HYDIN: variants seen among roughly 807,000 people sequenced by gnomAD.
HYDIN encodes HYDIN axonemal central pair apparatus protein, also known as axonemal central pair apparatus protein HYDIN.
A neutral mutation model predicts 403.9 loss-of-function variants in HYDIN; 132 were observed. That is an observed-to-expected ratio of 0.33 (90% CI 0.28 to 0.38). The LOEUF is 0.38. Ranked by LOEUF, HYDIN falls within the 10% of genes least tolerant of loss-of-function variation. The pLI, the probability that HYDIN is intolerant of heterozygous loss-of-function variation, is 1.00. For synonymous variants in HYDIN, 1,202 were observed against 1,891.7 expected (o/e 0.64, Z 9.46); for missense variants, 2,827 against 5,009.5 (o/e 0.56, Z 13.15).
intron 58 of HYDIN, among the ~76,000 whole-genome samples, chr16:70,886,671 A>T (rs1429637446): frequency 6.6e-6 from 1 of 152,200 alleles, no homozygotes. Flanking sequence ...TCCCTGAGAA[A>T]TATTTTTGCT....
chr16:71,045,556 A>C (rs1348596550), intron 18 of HYDIN, among the ~76,000 whole-genome samples: 2 of 149,644 alleles, frequency 1.3e-5, no homozygotes, highest in Non-Finnish European at 3.0e-5. Flanking sequence ...ATCCTTGAAC[A>C]AAGACCATCA....
chr16:71,183,115 T>C lies in HYDIN; in HGVS notation c.261+1750A>G, dbSNP rs1338942640. On this transcript the variant is annotated intron_variant, in intron 3 of 85. Transcript: ENST00000393567. ...AAATAGGAAGGCTATGTCAGTATTC[T>C]AGATAATGGTGGCTTAAACTGGAAT... Among the ~76,000 whole-genome samples the C allele has an allele frequency of 2.0e-5, 3 of 152,086 alleles. No homozygotes were observed. In the South Asian group the frequency reaches 6.2e-4, roughly 32 times the overall value.
intron 62 of HYDIN, among the ~76,000 whole-genome samples, chr16:70,877,412 GA>G (rs2040512456): frequency 1.3e-5 from 2 of 152,196 alleles, no homozygotes; most frequent in Non-Finnish European, 2.9e-5. Flanking sequence ...TAAAACTGTA[GA>G]AAACAAAGTG....
chr16:70,911,557 A>T, intron 47 of HYDIN, among the ~76,000 whole-genome samples: 1 of 131,626 alleles, frequency 7.6e-6, no homozygotes, highest in African/African-American at 2.9e-5. Context: ...ATGCCTCCAG[A>T]TTTGTTCTTT....
At chr16:71,032,119 C>T (rs1356804531) in intron 18 of HYDIN, among the ~76,000 whole-genome samples, 24 of 151,554 alleles carry the variant, frequency 1.6e-4, no homozygotes, top group Admixed American at 1.4e-3. Context: ...AGCAAACCTA[C>T]GATTTTACTT....
intron 18 of HYDIN, among the ~76,000 whole-genome samples, chr16:71,043,640 T>C (rs1389164678): frequency 1.3e-5 from 2 of 152,074 alleles, no homozygotes; most frequent in Non-Finnish European, 2.9e-5. Context: ...TCATCTTTAC[T>C]TTCCTGAGAT....
rs557795313 is a variant in HYDIN, at chr16:71,150,480, G to A, written c.841+2179C>T. ...AGTATTCCATATTCCAGAACAAGAC[G>A]GAAAACAGCAAATAATGCATATGGG... is the stretch of plus-strand genomic sequence containing the variant. On this transcript the variant is annotated intron_variant, in intron 7 of 85. Coordinates refer to ENST00000393567, the MANE Select transcript of HYDIN (RefSeq NM_001270974.2). Among the ~76,000 whole-genome samples, 11 of 152,100 alleles carry A rather than the reference G, an allele frequency of 7.2e-5. No individual in the cohort carries two copies. In the East Asian group the frequency reaches 1.2e-3, roughly 16 times the overall value.
At chr16:70,909,755 G>T (rs2076641367) in intron 47 of HYDIN, among the ~76,000 whole-genome samples, 1 of 144,050 alleles carries the variant, frequency 6.9e-6, no homozygotes, top group Non-Finnish European at 1.5e-5. Flanking sequence ...CAGTGCAGTG[G>T]TGCCATCTCA....
At chr16:71,075,129 G>GAC (rs2082590440) in intron 13 of HYDIN, among the ~76,000 whole-genome samples, 1 of 149,948 alleles carries the variant, frequency 6.7e-6, no homozygotes, top group Non-Finnish European at 1.5e-5. Context: ...GATTAAGTTG[G>GAC]TTTTTGAGAT....
chr16:70,841,856 C>T (rs535883887), intron 75 of HYDIN, among the ~76,000 whole-genome samples: 1 of 150,816 alleles, frequency 6.6e-6, no homozygotes, highest in Admixed American at 6.6e-5. Flanking sequence ...GGTCCAGAAC[C>T]ATGAGCCGAA....
intron 9 of HYDIN, among the ~76,000 whole-genome samples, chr16:71,128,243 G>A (rs1239262603): frequency 6.6e-6 from 1 of 152,092 alleles, no homozygotes; most frequent in Non-Finnish European, 1.5e-5. Context: ...CCCAGAGGAT[G>A]TCTCCAAGGG....
At chr16:70,945,322 AT>A (rs2077819666) in intron 41 of HYDIN, among the ~76,000 whole-genome samples, 1 of 152,216 alleles carries the variant, frequency 6.6e-6, no homozygotes, top group African/African-American at 2.4e-5. Flanking sequence ...TGGTGAAATT[AT>A]TTACTAAGAA....
intron 60 of HYDIN, among the ~76,000 whole-genome samples, chr16:70,881,540 A>C (rs971839261): frequency 1.3e-4 from 19 of 146,676 alleles, no homozygotes; most frequent in Non-Finnish European, 2.8e-4. Context: ...CCTGGGAGGC[A>C]GAGCTTGCAG....
At chr16:70,855,357 G>C (rs2038952978) in intron 72 of HYDIN, 82 bp from the exon 73 acceptor site, 1 of 718,948 alleles carries the variant, frequency 1.4e-6, no homozygotes. Flanking sequence ...TCACAGGCAA[G>C]ACATTTAGAA....
intron 4 of HYDIN, among the ~76,000 whole-genome samples, chr16:71,178,681 T>A (rs2086782677): frequency 2.6e-5 from 4 of 152,004 alleles, no homozygotes; most frequent in Non-Finnish European, 5.9e-5. Flanking sequence ...AATCCTTTAA[T>A]CAACAAAAGT....
intron 52 of HYDIN, among the ~76,000 whole-genome samples, chr16:70,902,720 A>C (rs1463472380): frequency 1.4e-5 from 2 of 147,198 alleles, no homozygotes; most frequent in African/African-American, 5.2e-5. Flanking sequence ...ATCCAGCTTA[A>C]GGTTTGCTAA....
At chr16:71,103,959 T>C (rs2083534477) in intron 10 of HYDIN, among the ~76,000 whole-genome samples, 2 of 152,204 alleles carry the variant, frequency 1.3e-5, no homozygotes, top group Admixed American at 6.5e-5. Context: ...TAATCTTTCA[T>C]AGTTTTCAGT....
At chr16:71,029,020 A>G (rs1354691887) in intron 19 of HYDIN, among the ~76,000 whole-genome samples, 1 of 151,310 alleles carries the variant, frequency 6.6e-6, no homozygotes, top group Non-Finnish European at 1.5e-5. Flanking sequence ...ATTTACTACC[A>G]TTTTATAGAT....
chr16:70,930,646 G>A (rs1279045394), intron 45 of HYDIN, among the ~76,000 whole-genome samples: 1 of 152,124 alleles, frequency 6.6e-6, no homozygotes, highest in African/African-American at 2.4e-5. Context: ...CTAAATCTCT[G>A]GCTGGCTGAC....
Sources: gnomAD v4.1 joint callset for allele counts (sites outside exome capture counted in the v4.1 genomes callset) on GRCh38, gnomAD v4.1.1 for gene constraint, MANE v1.5 for transcripts, NCBI Gene and HGNC (gene_info 2026-07-23, HGNC 2026-07-21) for gene names.